The following GUCY1A2 variants were observed in gnomAD, a reference collection of about 807,000 sequenced individuals.
The protein encoded by GUCY1A2 is guanylate cyclase 1 soluble subunit alpha 2.
Under a neutral mutation model 63.5 loss-of-function variants are expected in GUCY1A2, and 27 were observed. That is an observed-to-expected ratio of 0.43 (90% CI 0.31 to 0.59). The LOEUF (loss-of-function observed/expected upper bound fraction) is 0.59, where lower values mean the gene tolerates loss of function less well. GUCY1A2 is among the 20% of genes least tolerant of loss of function. The pLI, the probability that GUCY1A2 is intolerant of heterozygous loss-of-function variation, is 0.11. For missense variants in GUCY1A2, 768 were observed against 913.3 expected (o/e 0.84, Z 2.05); for synonymous variants, 364 against 343.5 (o/e 1.06, Z -0.66).
In GUCY1A2 at chr11:106,829,200, C is replaced by T. The variant is rs1357414357; in HGVS notation, c.1207-18722G>A. Among the ~76,000 whole-genome samples, 7 of 152,180 alleles carry T rather than the reference C, an allele frequency of 4.6e-5. No homozygotes were observed. In the East Asian group the frequency reaches 1.4e-3, roughly 29 times the overall value. On this transcript the variant is annotated intron_variant, in intron 4 of 7. Transcript: ENST00000526355. The stretch of plus-strand genomic sequence containing the variant: ...CACATACCTTGTTGCATTTTATCGT[C>T]CTGCAGTGGTGTGGAACACACAATC...
At chr11:106,869,718 G>A (rs1028999556) in intron 4 of GUCY1A2, among the ~76,000 whole-genome samples, 3 of 152,038 alleles carry the variant, frequency 2.0e-5, no homozygotes, top group Non-Finnish European at 4.4e-5. Flanking sequence ...GGGATCTAGA[G>A]CTAGAAATAC....
chr11:106,955,930 C>T (rs949314832), intron 3 of GUCY1A2, among the ~76,000 whole-genome samples: 5 of 152,110 alleles, frequency 3.3e-5, no homozygotes, highest in African/African-American at 1.2e-4. Flanking sequence ...CCTTCTGGTA[C>T]TCCAATCAAT....
chr11:106,971,173 T>C (rs1861189400), intron 3 of GUCY1A2, among the ~76,000 whole-genome samples: 1 of 151,926 alleles, frequency 6.6e-6, no homozygotes, highest in South Asian at 2.1e-4. Context: ...TCAATACCCA[T>C]AGAACTTTAC....
At chr11:106,948,721 A>G (rs1404937628) in intron 3 of GUCY1A2, among the ~76,000 whole-genome samples, 1 of 152,182 alleles carries the variant, frequency 6.6e-6, no homozygotes, top group Admixed American at 6.5e-5. Flanking sequence ...GCATAAAATT[A>G]TGTCATTTTG....
In GUCY1A2 at chr11:106,926,031, G is replaced by A. The variant is rs180864353; in HGVS notation, c.1206+13429C>T. Among the ~76,000 whole-genome samples the A allele has an allele frequency of 3.0e-3, 458 of 152,318 alleles. 4 individuals carry two copies. The highest frequency in any genetic ancestry group is 0.01 in the African/African-American group (424 of 41,560). On this transcript the variant is annotated intron_variant, in intron 4 of 7. Transcript: ENST00000526355. ...AGTATGATCTGTAAAAGTAAATAGA[G>A]TGTAAGTATAATGAGTCAAGAATTA...
Position 106,940,020 on chromosome 11 carries a change from T to C in GUCY1A2, c.646A>G (p.Lys216Glu), listed in dbSNP as rs766435185. The C allele has an allele frequency of 7.4e-6, 12 of 1,614,094 alleles. No individual in the cohort carries two copies. The highest frequency in any genetic ancestry group is 1.0e-5 in the Non-Finnish European group (12 of 1,179,994). Residue 216 changes from lysine (K) to glutamate (E), a missense_variant, in exon 4 of 8, where the codon AAA becomes GAA. Lys to Glu is a moderately conservative substitution (Grantham distance 56). Transcript: ENST00000526355. ...GATGGTGACTCCAGAGTGGCCTGTT[T>C]TCCAAAAGAAGTTCTAATGTGTTCC... The part of the protein sequence containing the change: ...LLEHIRTSFG[K>E]QATLESPSFL...
At chr11:107,014,938 T>C (rs1861799600) in intron 1 of GUCY1A2, among the ~76,000 whole-genome samples, 1 of 152,190 alleles carries the variant, frequency 6.6e-6, no homozygotes, top group Non-Finnish European at 1.5e-5. Context: ...CATGAGAGAA[T>C]AGAGAGGACA....
intron 3 of GUCY1A2, among the ~76,000 whole-genome samples, chr11:106,955,165 T>C (rs980307507): frequency 2.0e-5 from 3 of 151,990 alleles, no homozygotes; most frequent in African/African-American, 7.2e-5. Context: ...AGAGATGGGG[T>C]TTCTCCTTGT....
rs536833371 is a variant in GUCY1A2, at chr11:106,855,893, T to TTTTCTTTTTTTATTA, written c.1207-45416_1207-45415insTAATAAAAAAAGAAA. The stretch of plus-strand genomic sequence containing the variant: ...GTTTTATCTGTTTGGGTCTCTTGTA[T>TTTTCTTTTTTTATTA]TTTATTTATTTATTTATTTATTTAT... On this transcript the variant is annotated intron_variant, in intron 4 of 7. Coordinates refer to ENST00000526355, the MANE Select transcript of GUCY1A2 (RefSeq NM_000855.3). Among the ~76,000 whole-genome samples the TTTTCTTTTTTTATTA allele has an allele frequency of 4.3e-3, 402 of 94,426 alleles. 2 individuals carry two copies. Among genetic ancestry groups the TTTTCTTTTTTTATTA allele is most frequent in the African/African-American group, 0.013 (385 of 28,774 alleles). 61.9% of individuals were successfully genotyped at this position (94,426 alleles called of 152,430 possible). A position where few individuals can be genotyped will look rare whatever the true frequency, so the allele number is the denominator to read the frequency against.
chr11:106,875,342 A>G (rs1859735161), intron 4 of GUCY1A2, among the ~76,000 whole-genome samples: 1 of 152,174 alleles, frequency 6.6e-6, no homozygotes, highest in Non-Finnish European at 1.5e-5. Flanking sequence ...TTCTGGTTGT[A>G]TGTGTACTGT....
chr11:106,965,025 A>G (rs1861109789), intron 3 of GUCY1A2, among the ~76,000 whole-genome samples: 1 of 152,148 alleles, frequency 6.6e-6, no homozygotes, highest in African/African-American at 2.4e-5. Context: ...GTTGGCCAAA[A>G]TAACATACAG....
intron 3 of GUCY1A2, among the ~76,000 whole-genome samples, chr11:106,943,080 A>C (rs1284647102): frequency 6.6e-6 from 1 of 152,234 alleles, no homozygotes; most frequent in African/African-American, 2.4e-5. Context: ...AAAAGAAAAA[A>C]GTTATTAGAT....
intron 4 of GUCY1A2, among the ~76,000 whole-genome samples, chr11:106,924,441 CT>C (rs1239519059): frequency 6.6e-6 from 1 of 152,166 alleles, no homozygotes; most frequent in Non-Finnish European, 1.5e-5. Flanking sequence ...GTGTGATATT[CT>C]TTCAGAAGAA....
At chr11:106,846,781 G>T (rs957250527) in intron 4 of GUCY1A2, among the ~76,000 whole-genome samples, 3 of 151,430 alleles carry the variant, frequency 2.0e-5, no homozygotes, top group African/African-American at 7.3e-5. Context: ...CTGAACAAAT[G>T]AAATAGAAAA....
At chr11:106,957,220 G>A (rs1244380721) in intron 3 of GUCY1A2, among the ~76,000 whole-genome samples, 1 of 152,160 alleles carries the variant, frequency 6.6e-6, no homozygotes, top group Non-Finnish European at 1.5e-5. Flanking sequence ...TTAGGCAGTT[G>A]CAAGTCCCAG....
intron 3 of GUCY1A2, among the ~76,000 whole-genome samples, chr11:106,951,503 CT>C (rs954392208): frequency 6.6e-6 from 1 of 152,110 alleles, no homozygotes; most frequent in African/African-American, 2.4e-5. Flanking sequence ...TGATGTTGAG[CT>C]TTTTTTCATG....
At chr11:106,697,602 C>T (rs942022436) in intron 7 of GUCY1A2, among the ~76,000 whole-genome samples, 2 of 151,998 alleles carry the variant, frequency 1.3e-5, no homozygotes, top group Non-Finnish European at 2.9e-5. Context: ...TAAAATTTTG[C>T]CATTTCCTTC....
chr11:106,825,996 C>T (rs565408016), intron 4 of GUCY1A2, among the ~76,000 whole-genome samples: 4 of 152,050 alleles, frequency 2.6e-5, no homozygotes, highest in South Asian at 2.1e-4. Context: ...AAAATACAAC[C>T]GATTTTAAAG....
At chr11:106,995,819 A>G (rs1443859938) in intron 1 of GUCY1A2, among the ~76,000 whole-genome samples, 1 of 152,236 alleles carries the variant, frequency 6.6e-6, no homozygotes, top group African/African-American at 2.4e-5. Flanking sequence ...AAAGCTAATT[A>G]GTGACATTTC....
Sources: gnomAD v4.1 joint callset for allele counts (sites outside exome capture counted in the v4.1 genomes callset) on GRCh38, gnomAD v4.1.1 for gene constraint, MANE v1.5 for transcripts, NCBI Gene and HGNC (gene_info 2026-07-23, HGNC 2026-07-21) for gene names.